The following DST variants were observed in gnomAD, a reference collection of about 807,000 sequenced individuals.
The protein encoded by DST is dystonin.
DST carries 253 observed loss-of-function variants against 875.2 expected under a neutral mutation model. That is an observed-to-expected ratio of 0.29 (90% CI 0.26 to 0.32). DST has a LOEUF of 0.32. Ranked by LOEUF, DST falls within the 10% of genes least tolerant of loss-of-function variation. The pLI is 1.00. For missense variants in DST, 8,287 were observed against 9,111.6 expected, an observed-to-expected ratio of 0.91 and a Z score of 3.68; for synonymous variants, 3,124 against 3,197.1, an observed-to-expected ratio of 0.98 and a Z score of 0.77.
Position 56,605,183 on chromosome 6 carries a change from T to A in DST, c.9445A>T (p.Ile3149Phe). 6.2e-7 allele frequency: 1 copy of A among 1,612,128 alleles called. No homozygotes were observed. The highest frequency in any genetic ancestry group is 2.2e-5 in the East Asian group (1 of 44,792). Residue 3149 changes from isoleucine to phenylalanine, a missense_variant, in exon 40 of 104, where the codon ATT (isoleucine) becomes TTT (phenylalanine). Ile to Phe is a conservative substitution (Grantham distance 21). Transcript: ENST00000680361. Reference sequence around the variant, plus strand: ...ATGTCTGAAGTAATGTCATCACTAATCTCTTTGGAAACTGATGTGTCAAAA... The same window carrying A: ...ATGTCTGAAGTAATGTCATCACTAAACTCTTTGGAAACTGATGTGTCAAAA... ...EIFDTSVSKE[I>F]SDDITSDITS...
intron 4 of DST, among the ~76,000 whole-genome samples, chr6:56,766,515 G>A (rs2099633715): frequency 6.6e-6 from 1 of 151,430 alleles, no homozygotes; most frequent in African/African-American, 2.4e-5. Flanking sequence ...CTCTGCAATT[G>A]CTGCGGTATC....
At chr6:56,683,859 A>T (rs539883632) in intron 9 of DST, among the ~76,000 whole-genome samples, 1 of 152,232 alleles carries the variant, frequency 6.6e-6, no homozygotes, top group African/African-American at 2.4e-5. Flanking sequence ...AGACCACTCA[A>T]TGAGAACCTA....
intron 98 of DST, 138 bp from the exon 99 acceptor site, chr6:56,466,333 AG>A (rs2094574479): frequency 3.9e-6 from 2 of 507,772 alleles, no homozygotes; most frequent in Non-Finnish European, 6.7e-6. Flanking sequence ...ATCTCAGAAA[AG>A]GGGGTTTGTA....
intron 3 of DST, chr6:56,851,956 T>C: frequency 6.7e-7 from 1 of 1,488,516 alleles, no homozygotes; most frequent in South Asian, 1.4e-5. Flanking sequence ...AAACCTATAG[T>C]ATTTGGCTCC....
At chr6:56,856,317 T>C (rs1228359787) in intron 3 of DST, among the ~76,000 whole-genome samples, 3 of 152,158 alleles carry the variant, frequency 2.0e-5, no homozygotes, top group African/African-American at 4.8e-5. Context: ...GTCTTGGCAA[T>C]AGGCATTCTC....
Position 56,698,963 on chromosome 6 carries a change from CT to C in DST, c.1047+689del, listed in dbSNP as rs1428513272. On this transcript the variant is annotated intron_variant, in intron 9 of 103. Coordinates refer to ENST00000680361, the MANE Select transcript of DST (RefSeq NM_001374736.1). ...TTTTTCAGCCCATGCCCTTTTCCCC[CT>C]CCTTCCCACCTCTAGTAGCAGAACA... Among the ~76,000 whole-genome samples, 3 of 152,204 alleles carry C rather than the reference CT, an allele frequency of 2.0e-5. No individual in the cohort carries two copies. In the East Asian group the frequency reaches 5.8e-4, roughly 29 times the overall value.
intron 8 of DST, among the ~76,000 whole-genome samples, chr6:56,700,044 G>A (rs1415589325): frequency 6.6e-6 from 1 of 152,130 alleles, no homozygotes; most frequent in South Asian, 2.1e-4. Flanking sequence ...GGTTAGCAGC[G>A]GCCCAGGAAG....
At position 56,529,779 on chromosome 6, in the gene DST, G is replaced by T; in HGVS notation, c.17269-5C>A. 1 of 1,522,790 alleles carries T rather than the reference G, an allele frequency of 6.6e-7. No individual in the cohort carries two copies. Among genetic ancestry groups the T allele is most frequent in the Non-Finnish European group, 8.8e-7 (1 of 1,139,230 alleles). 94.3% of individuals were successfully genotyped at this position (1,522,790 alleles called of 1,614,324 possible). ...GATGATGTCATCTTCTAAGGCCTAAGCAAAGTTTAAAAAAATAAAGAAGAA... is the reference window on the plus strand; with the variant it reads ...GATGATGTCATCTTCTAAGGCCTAATCAAAGTTTAAAAAAATAAAGAAGAA... On this transcript the variant is annotated splice_polypyrimidine_tract_variant and splice_region_variant and intron_variant, in intron 65 of 103. Transcript: ENST00000680361.
intron 93 of DST, among the ~76,000 whole-genome samples, chr6:56,472,918 A>C (rs2094966564): frequency 6.6e-6 from 1 of 152,208 alleles, no homozygotes; most frequent in Non-Finnish European, 1.5e-5. Context: ...CTAAATGGCT[A>C]AATACGGCCT....
At chr6:56,540,836 C>T (rs1291398205) in intron 61 of DST, 3 of 152,528 alleles carry the variant, frequency 2.0e-5, no homozygotes, top group Non-Finnish European at 4.4e-5. Flanking sequence ...AGGGTGGGCA[C>T]TTTGACATGA....
At chr6:56,624,748 C>A in intron 35 of DST, 120 bp from the exon 36 acceptor site, 1 of 708,676 alleles carries the variant, frequency 1.4e-6, no homozygotes, top group Admixed American at 2.1e-5. Context: ...ACAACTCCCC[C>A]CATAATAAAT....
intron 4 of DST, chr6:56,742,195 A>T: frequency 1.1e-6 from 1 of 950,962 alleles, no homozygotes. Flanking sequence ...TCGCCATGCA[A>T]ACCAAAGCAG....
At chr6:56,530,853 G>A (rs1454987246) in intron 64 of DST, among the ~76,000 whole-genome samples, 1 of 152,166 alleles carries the variant, frequency 6.6e-6, no homozygotes, top group Non-Finnish European at 1.5e-5. Flanking sequence ...GTTCTGGTCT[G>A]CATACGGAGT....
At chr6:56,462,965 G>C in intron 102 of DST, 81 bp downstream of exon 102, 1 of 742,012 alleles carries the variant, frequency 1.3e-6, no homozygotes, top group Non-Finnish European at 2.3e-6. Context: ...CATATATTTA[G>C]GGAGTGGTGC....
chr6:56,520,025 G>A lies in DST; in HGVS notation c.18130-2405C>T, dbSNP rs77304965. Among the ~76,000 whole-genome samples, 1,359 of 152,086 alleles carry A rather than the reference G, an allele frequency of 8.9e-3. 21 individuals carry two copies. The highest frequency in any genetic ancestry group is 0.032 in the African/African-American group (1,309 of 41,466). On this transcript the variant is annotated intron_variant, in intron 69 of 103. Transcript: ENST00000680361. ...ATTAGAAGGCTTCATCAACAACACAGAACATCTCAGCAAAGAAAAAGAATA... is the reference window on the plus strand; with the variant it reads ...ATTAGAAGGCTTCATCAACAACACAAAACATCTCAGCAAAGAAAAAGAATA...
intron 4 of DST, among the ~76,000 whole-genome samples, chr6:56,783,017 C>T (rs1009177356): frequency 1.3e-5 from 2 of 152,124 alleles, no homozygotes; most frequent in Admixed American, 1.3e-4. Context: ...GTTCAGTTTC[C>T]ATGCAGTTGA....
intron 92 of DST, among the ~76,000 whole-genome samples, chr6:56,475,462 C>T (rs971933757): frequency 4.0e-5 from 6 of 150,582 alleles, no homozygotes; most frequent in Non-Finnish European, 7.4e-5. Context: ...AATTGCTTAA[C>T]CAACTGAGCT....
intron 2 of DST, among the ~76,000 whole-genome samples, chr6:56,949,504 T>C (rs995071136): frequency 6.6e-5 from 10 of 152,240 alleles, no homozygotes; most frequent in Non-Finnish European, 1.3e-4. Flanking sequence ...ATTTCAGCAC[T>C]GACATTGGGA....
At chr6:56,495,021 AGT>A (rs1441842301) in intron 82 of DST, among the ~76,000 whole-genome samples, 1 of 151,956 alleles carries the variant, frequency 6.6e-6, no homozygotes, top group Non-Finnish European at 1.5e-5. Context: ...TATACAATTC[AGT>A]GTTTTTAAAA....
Sources: gnomAD v4.1 joint callset for allele counts (sites outside exome capture counted in the v4.1 genomes callset) on GRCh38, gnomAD v4.1.1 for gene constraint, MANE v1.5 for transcripts, NCBI Gene and HGNC (gene_info 2026-07-23, HGNC 2026-07-21) for gene names.